TEX36: variants seen among roughly 807,000 people sequenced by gnomAD.
The protein encoded by TEX36 is testis-expressed protein 36.
In TEX36, 12 loss-of-function variants were observed where a neutral mutation model predicts 13.6. The ratio of observed to expected loss-of-function variants is 0.88; its 90% CI spans 0.56 to 1.43. TEX36 has a LOEUF of 1.43. Among genes scored for constraint, TEX36 ranks in the 40% most tolerant of loss-of-function variants. The pLI is 0.00. For synonymous variants in TEX36, 93 were observed against 83.0 expected (o/e 1.12, Z -0.65); for missense variants, 224 against 228.3 (o/e 0.98, Z 0.12).
intron 3 of TEX36, among the ~76,000 whole-genome samples, chr10:125,648,343 G>A (rs1266776863): frequency 1.3e-5 from 2 of 152,312 alleles, no homozygotes; most frequent in East Asian, 3.9e-4. Context: ...TTGCCGTTCT[G>A]CAATATTTGC....
intron 3 of TEX36, among the ~76,000 whole-genome samples, chr10:125,589,077 TCAAA>T (rs976215698): frequency 2.0e-5 from 3 of 152,200 alleles, no homozygotes; most frequent in African/African-American, 7.2e-5. Context: ...GAGGAAAACA[TCAAA>T]CAATATCAGA....
chr10:125,633,015 T>C lies in TEX36; in HGVS notation c.265-11370A>G, dbSNP rs7896724. Among the ~76,000 whole-genome samples, 1,241 of 152,126 alleles carry C rather than the reference T, an allele frequency of 8.2e-3. 14 individuals are homozygous for C. Among genetic ancestry groups the C allele is most frequent in the Middle Eastern group, 0.027 (8 of 294 alleles). On this transcript the variant is annotated intron_variant, in intron 3 of 3. Coordinates refer to the TEX36 transcript ENST00000526819. ...GTCATACGCCTGTAATCCCAGCTACTCCGGAGTCTGAGGCAGGAGAATTGC... is the reference window on the plus strand; with the variant it reads ...GTCATACGCCTGTAATCCCAGCTACCCCGGAGTCTGAGGCAGGAGAATTGC...
chr10:125,645,440 C>G (rs1249964333), intron 3 of TEX36, among the ~76,000 whole-genome samples: 1 of 152,088 alleles, frequency 6.6e-6, no homozygotes, highest in Non-Finnish European at 1.5e-5. Flanking sequence ...CATTGGCATG[C>G]CCAACCCCCT....
intron 1 of TEX36, among the ~76,000 whole-genome samples, chr10:125,671,411 C>T (rs1338802027): frequency 6.6e-6 from 1 of 152,144 alleles, no homozygotes; most frequent in Admixed American, 6.5e-5. Flanking sequence ...GTCTTTAGTT[C>T]TGTTCATGTG....
intron 3 of TEX36, among the ~76,000 whole-genome samples, chr10:125,606,047 T>C (rs1224038129): frequency 6.6e-6 from 1 of 152,254 alleles, no homozygotes; most frequent in Non-Finnish European, 1.5e-5. Context: ...TCTGTACTTT[T>C]TTTATGCAGG....
chr10:125,592,540 G>C (rs1174917382), intron 3 of TEX36, among the ~76,000 whole-genome samples: 1 of 152,050 alleles, frequency 6.6e-6, no homozygotes. Flanking sequence ...AGATATGCTG[G>C]GTTTCCTCCC....
exon 4 of TEX36, chr10:125,576,566 C>T: frequency 1.2e-6 from 1 of 820,734 alleles, no homozygotes; most frequent in Admixed American, 2.9e-5. Flanking sequence ...TGCGCCCACA[C>T]AGGCAAGCAG....
chr10:125,666,876 T>C (rs1847130093), intron 1 of TEX36: 1 of 378,042 alleles, frequency 2.6e-6, no homozygotes, highest in African/African-American at 2.1e-5. Context: ...CACCTCCACT[T>C]AGTAGGTATG....
intron 1 of TEX36, among the ~76,000 whole-genome samples, chr10:125,669,394 C>T (rs1449691216): frequency 1.3e-5 from 2 of 151,746 alleles, no homozygotes; most frequent in Admixed American, 6.6e-5. Flanking sequence ...GCAGGATAAT[C>T]ACTTGAACCT....
At position 125,581,460 on chromosome 10, in the gene TEX36, G is replaced by A. The variant is rs144434805; in HGVS notation, c.265-4586C>T. ...CATCCTCCTGGGTAACTCCCCACTC[G>A]GGCATATCCTCCTGGGTATTCTCAA... is the stretch of plus-strand genomic sequence containing the variant. On this transcript the variant is annotated intron_variant, in intron 3 of 3. Transcript: ENST00000532135. Among the ~76,000 whole-genome samples the A allele has an allele frequency of 5.3e-3, 807 of 152,096 alleles. 5 individuals are homozygous for A. The highest frequency in any genetic ancestry group is 0.019 in the African/African-American group (774 of 41,466).
chr10:125,666,997 A>G, intron 1 of TEX36: 1 of 1,417,728 alleles, frequency 7.1e-7, no homozygotes, highest in South Asian at 1.3e-5. Context: ...CCTCCTGGGC[A>G]GCCTTCAGGT....
chr10:125,661,882 C>T lies in TEX36; in HGVS notation c.147G>A (p.Glu49=), dbSNP rs932894367. ...CTTTGTATATGGGCGGCAGCTTCCC[C>T]TCCGCTTGCCGAGGCAAGTGTGGAC... ...PQSPHLPRQA[E]GKLPPIYKVR... The change falls in exon 2 of 4, where the codon GAG becomes GAA. Residue 49 remains glutamate, a synonymous_variant. Coordinates refer to ENST00000368821, the MANE Select transcript of TEX36 (RefSeq NM_001128202.3). 19 of 1,552,088 alleles carry T rather than the reference C, an allele frequency of 1.2e-5. No homozygotes were observed. Among genetic ancestry groups the T allele is most frequent in the Non-Finnish European group, 1.6e-5 (18 of 1,147,074 alleles).
chr10:125,624,283 A>G (rs1457127626), intron 3 of TEX36, among the ~76,000 whole-genome samples: 2 of 152,210 alleles, frequency 1.3e-5, no homozygotes, highest in Non-Finnish European at 2.9e-5. Context: ...ACCGATGCTC[A>G]TGTGAATTTT....
chr10:125,606,055 A>G (rs376437357), intron 3 of TEX36, among the ~76,000 whole-genome samples: 1 of 152,328 alleles, frequency 6.6e-6, no homozygotes, highest in African/African-American at 2.4e-5. Context: ...TTTTTTATGC[A>G]GGAGTTTACC....
At chr10:125,655,297 T>C (rs1232088060), downstream of TEX36, among the ~76,000 whole-genome samples, 1 of 151,964 alleles carries the variant, frequency 6.6e-6, no homozygotes, top group African/African-American at 2.4e-5. Flanking sequence ...ATACAAAAAT[T>C]AGCCCAGCGT....
At chr10:125,648,076 G>T (rs1218971544) in intron 3 of TEX36, among the ~76,000 whole-genome samples, 1 of 152,234 alleles carries the variant, frequency 6.6e-6, no homozygotes, top group Non-Finnish European at 1.5e-5. Flanking sequence ...ACCTCTGGGG[G>T]CAGGGCATAG....
intron 3 of TEX36, among the ~76,000 whole-genome samples, chr10:125,632,667 C>T (rs1846571168): frequency 1.3e-5 from 2 of 152,132 alleles, no homozygotes; most frequent in South Asian, 4.1e-4. Flanking sequence ...TATCTGTCAC[C>T]AGCTGCACGA....
At chr10:125,648,717 A>G (rs1846809112) in intron 3 of TEX36, among the ~76,000 whole-genome samples, 1 of 152,230 alleles carries the variant, frequency 6.6e-6, no homozygotes, top group African/African-American at 2.4e-5. Flanking sequence ...TCCGAGCTAA[A>G]GGAGAATGTT....
At chr10:125,669,894 C>A (rs1424533542) in intron 1 of TEX36, among the ~76,000 whole-genome samples, 1 of 152,202 alleles carries the variant, frequency 6.6e-6, no homozygotes, top group Non-Finnish European at 1.5e-5. Context: ...ATAATGGCCT[C>A]CAGCTCCATC....
Sources: allele counts gnomAD v4.1 joint callset (sites outside exome capture counted in the v4.1 genomes callset), GRCh38; gene constraint gnomAD v4.1.1; transcripts MANE v1.5; gene names NCBI Gene and HGNC (gene_info 2026-07-23, HGNC 2026-07-21).